Variants in CDKN2AIPNL observed in about 807,000 individuals in gnomAD.
CDKN2AIPNL encodes the protein XRN2 binding domain containing 1, also known as CDKN2AIP N-terminal-like protein.
CDKN2AIPNL carries 9 observed loss-of-function variants against 12.9 expected under a neutral mutation model. The ratio of observed to expected loss-of-function variants is 0.70; its 90% CI spans 0.42 to 1.22. The LOEUF is 1.22. Ranked by LOEUF, CDKN2AIPNL falls within the 50% of genes most tolerant of loss-of-function variation. The pLI is 0.00. For synonymous variants in CDKN2AIPNL, 53 were observed against 61.7 expected, an observed-to-expected ratio of 0.86 and a Z score of 0.66; for missense variants, 143 against 153.6, an observed-to-expected ratio of 0.93 and a Z score of 0.37.
At chr5:134,410,881 A>AT (rs1338339709) in intron 1 of CDKN2AIPNL, 7 of 632,172 alleles carry the variant, frequency 1.1e-5, no homozygotes, top group African/African-American at 1.8e-5. Flanking sequence ...AAGCTCTCTA[A>AT]TAGGGAGTCT....
rs1337390210 is a variant in CDKN2AIPNL, at chr5:134,402,142, G to A, written c.*773C>T. 6.6e-6 allele frequency: 1 copy of A among 151,924 alleles called. No individual in the cohort carries two copies. Among genetic ancestry groups the A allele is most frequent in the Non-Finnish European group, 1.5e-5 (1 of 68,022 alleles). 9.4% of individuals were successfully genotyped at this position (151,924 alleles called of 1,614,324 possible). A position where few individuals can be genotyped will look rare whatever the true frequency, so the allele number is the denominator to read the frequency against. On this transcript the variant is annotated 3_prime_UTR_variant, in exon 3 of 3. Transcript: ENST00000458198. ...ACGGTGTTTCATTTTTGTCGCCCAG[G>A]ATGGAGTGCAATGGTGCGATCTTGG...
intron 1 of CDKN2AIPNL, 47 bp downstream of exon 1, chr5:134,411,569 G>T: frequency 6.5e-7 from 1 of 1,530,492 alleles, no homozygotes; most frequent in East Asian, 2.3e-5. Flanking sequence ...AGGCCTTGAG[G>T]GTCGGAAGAT....
rs756250419 is a variant in CDKN2AIPNL at position 134,409,997 on chromosome 5, T to C, written c.245A>G (p.Asn82Ser). The C allele has an allele frequency of 4.5e-5, 72 of 1,607,330 alleles. No individual in the cohort carries two copies. The highest frequency in any genetic ancestry group is 3.8e-5 in the Non-Finnish European group (45 of 1,174,930). ...ANHLFLGCSY[N>S]KDLLDKVMEM... is the part of the protein sequence containing the mutation. Reference sequence around the variant, plus strand: ...CATCACCTTGTCTAAAAGGTCTTTATTGTAACTGCACAATAAAAAGTAGTA... The same window carrying C: ...CATCACCTTGTCTAAAAGGTCTTTACTGTAACTGCACAATAAAAAGTAGTA... Residue 82 changes from asparagine to serine, a missense_variant, in exon 2 of 3, where the codon AAT becomes AGT. By Grantham distance (46) the Asn-to-Ser change is conservative. Around this residue, in one of 3 missense-constraint regions of CDKN2AIPNL, gnomAD observed 111 missense variants for 111.4 expected, o/e 1.00. Transcript: ENST00000458198.
At chr5:134,411,419 G>T (rs1040007759) in intron 1 of CDKN2AIPNL, among the ~76,000 whole-genome samples, 197 bp downstream of exon 1, 1 of 152,194 alleles carries the variant, frequency 6.6e-6, no homozygotes, top group Non-Finnish European at 1.5e-5. Context: ...TACCAGAAGA[G>T]AAAACTGAGG....
intron 2 of CDKN2AIPNL, among the ~76,000 whole-genome samples, chr5:134,407,295 AC>A (rs149048418): frequency 1.1e-4 from 15 of 135,742 alleles, no homozygotes; most frequent in African/African-American, 4.1e-4. Flanking sequence ...ACACACACAC[AC>A]ACTTCACACT....
intron 2 of CDKN2AIPNL, among the ~76,000 whole-genome samples, chr5:134,409,554 G>C (rs2149697711): frequency 6.6e-6 from 1 of 151,832 alleles, no homozygotes; most frequent in African/African-American, 2.4e-5. Context: ...ACTCACACCT[G>C]GGGTAAGGAT....
Position 134,402,698 on chromosome 5 carries a change from A to C in CDKN2AIPNL, c.*217T>G. The stretch of plus-strand genomic sequence containing the variant: ...CTCATCTTAGAGTGCATGATTTATA[A>C]ATACATAAATATCCATGCATACTTT... On this transcript the variant is annotated 3_prime_UTR_variant, in exon 3 of 3. Coordinates refer to ENST00000458198, the MANE Select transcript of CDKN2AIPNL (RefSeq NM_080656.3). 1 of 435,874 alleles carries C rather than the reference A, an allele frequency of 2.3e-6. No individual in the cohort carries two copies. The highest frequency in any genetic ancestry group is 4.1e-6 in the Non-Finnish European group (1 of 245,504). The allele number at this position is 435,874 out of a possible 1,614,324, so 27.0% of individuals were successfully genotyped here.
Position 134,411,755 on chromosome 5 carries a change from C to A in CDKN2AIPNL, c.100G>T (p.Glu34Ter), listed in dbSNP as rs747349675. The A allele has an allele frequency of 6.2e-7, 1 of 1,612,374 alleles. No homozygotes were observed. The highest frequency in any genetic ancestry group is 1.3e-5 in the African/African-American group (1 of 75,034). The change falls in exon 1 of 3, where the codon GAG becomes TAG. Residue 34 changes from glutamate to a stop codon, truncating the protein, a stop_gained. Transcript: ENST00000458198. LOFTEE classifies it high-confidence loss of function. ...TCCATGCGGGCCTTCCATTGCTTCT[C>A]GCTCTCTGAGTAGGAGCGGAACTGC... ...AEQFRSYSES[E>*]KQWKARMEFI...
intron 2 of CDKN2AIPNL, among the ~76,000 whole-genome samples, chr5:134,408,066 G>A (rs1205941871): frequency 6.6e-6 from 1 of 152,116 alleles, no homozygotes; most frequent in Non-Finnish European, 1.5e-5. Flanking sequence ...GGGAGGCAGA[G>A]GTTGCAGTGA....
chr5:134,410,869 C>G (rs911983135), intron 1 of CDKN2AIPNL: 1 of 600,090 alleles, frequency 1.7e-6, no homozygotes, highest in South Asian at 2.0e-5. Flanking sequence ...TCAGGAAAAT[C>G]GAAGCTCTCT....
chr5:134,409,778 A>G lies in CDKN2AIPNL; in HGVS notation c.339+125T>C, dbSNP rs1759162750. ...TACCAATTATGGGGAAATAAAAATG[A>G]AAGGGTATAGGTCTTTGGGGCAGTA... is the stretch of plus-strand genomic sequence containing the variant. On this transcript the variant is annotated intron_variant, in intron 2 of 2. Coordinates refer to ENST00000458198, the MANE Select transcript of CDKN2AIPNL (RefSeq NM_080656.3). 5.6e-6 allele frequency: 3 copies of G among 535,840 alleles called. No homozygotes were observed. In the East Asian group the frequency reaches 9.3e-5, roughly 17 times the overall value. The allele number at this position is 535,840 out of a possible 1,614,324, so 33.2% of individuals were successfully genotyped here.
chr5:134,403,735 CT>C (rs1220511780), intron 2 of CDKN2AIPNL, among the ~76,000 whole-genome samples: 1 of 152,206 alleles, frequency 6.6e-6, no homozygotes, highest in Non-Finnish European at 1.5e-5. Flanking sequence ...AGCAATTCTC[CT>C]GCCTCAGCCT....
At chr5:134,410,213 G>A (rs1759170703) in intron 1 of CDKN2AIPNL, among the ~76,000 whole-genome samples, 1 of 151,976 alleles carries the variant, frequency 6.6e-6, no homozygotes, top group African/African-American at 2.4e-5. Flanking sequence ...TCGGCTCACT[G>A]CAACCTCCAC....
Position 134,411,688 on chromosome 5 carries a change from T to G in CDKN2AIPNL, c.167A>C (p.Asp56Ala). ...RHLPDYRDPP[D>A]GSGRLDQLLS... ...CAGCTGGTCCAGGCGGCCACTGCCGTCGGGCGGGTCGCGGTAGTCGGGCAG... is the reference window on the plus strand; with the variant it reads ...CAGCTGGTCCAGGCGGCCACTGCCGGCGGGCGGGTCGCGGTAGTCGGGCAG... Residue 56 changes from aspartate (D) to alanine (A), a missense_variant, in exon 1 of 3, where the codon GAC (aspartate) becomes GCC (alanine). Asp to Ala is a moderately radical substitution (Grantham distance 126, BLOSUM62 -2). Transcript: ENST00000458198. 1 of 1,613,010 alleles carries G rather than the reference T, an allele frequency of 6.2e-7. No homozygotes were observed. The highest frequency in any genetic ancestry group is 1.1e-5 in the South Asian group (1 of 90,910).
At chr5:134,403,610 A>C (rs911820470) in intron 2 of CDKN2AIPNL, among the ~76,000 whole-genome samples, 11 of 152,308 alleles carry the variant, frequency 7.2e-5, no homozygotes, top group Admixed American at 7.2e-4. Context: ...CCTATTTCCT[A>C]GTTAGACCAG....
At chr5:134,409,530 GCACTCA>G (rs1423573384) in intron 2 of CDKN2AIPNL, among the ~76,000 whole-genome samples, 3 of 152,078 alleles carry the variant, frequency 2.0e-5, no homozygotes, top group Non-Finnish European at 4.4e-5. Context: ...AGTCAGGTCG[GCACTCA>G]CACCGGCACT....
intron 2 of CDKN2AIPNL, among the ~76,000 whole-genome samples, chr5:134,409,427 T>C (rs1320173053): frequency 6.6e-6 from 1 of 152,146 alleles, no homozygotes; most frequent in Non-Finnish European, 1.5e-5. Flanking sequence ...AAAAAGCCCA[T>C]CGCCTGAGAT....
chr5:134,406,612 T>TA (rs1441085246), intron 2 of CDKN2AIPNL, among the ~76,000 whole-genome samples: 1 of 152,122 alleles, frequency 6.6e-6, no homozygotes, highest in African/African-American at 2.4e-5. Flanking sequence ...GGAAGAGTCT[T>TA]AAAGATTCAC....
Position 134,409,919 on chromosome 5 carries a change from C to G in CDKN2AIPNL, c.323G>C (p.Ser108Thr). ...VEDLPQFTTRSELMKKHQS is the reference protein window; with the variant it reads ...VEDLPQFTTRTELMKKHQS ...CCTATTTACCTTTTTCATTAATTCA[C>G]TTCTGGTAGTAAATTGTGGCAGGTC... Residue 108 changes from serine (S) to threonine (T), a missense_variant, in exon 2 of 3, where the codon AGT (serine) becomes ACT (threonine). Ser to Thr is a moderately conservative substitution (Grantham distance 58). This residue lies in a region of CDKN2AIPNL where 111 missense variants were observed against 111.4 expected (regional missense o/e 1.00). Coordinates refer to ENST00000458198, the MANE Select transcript of CDKN2AIPNL (RefSeq NM_080656.3). 1 of 1,610,224 alleles carries G rather than the reference C, an allele frequency of 6.2e-7. No individual in the cohort carries two copies.
Sources: allele counts gnomAD v4.1 joint callset (sites outside exome capture counted in the v4.1 genomes callset), GRCh38; gene constraint gnomAD v4.1.1; regional missense constraint gnomAD v4.1.1; transcripts MANE v1.5; gene names NCBI Gene and HGNC (gene_info 2026-07-23, HGNC 2026-07-21).